The following MCTP1 variants were observed in gnomAD, a reference collection of about 807,000 sequenced individuals.
MCTP1 encodes the protein multiple C2 and transmembrane domain containing 1.
MCTP1 carries 69 observed loss-of-function variants against 120.6 expected under a neutral mutation model. That is an observed-to-expected ratio of 0.57 (90% CI 0.47 to 0.70). The LOEUF (loss-of-function observed/expected upper bound fraction) is 0.70, where lower values mean the gene tolerates loss of function less well. Ranked by LOEUF, MCTP1 falls within the 30% of genes least tolerant of loss-of-function variation. MCTP1 has a pLI of 0.00. For missense variants in MCTP1, 1,203 were observed against 1,248.8 expected (o/e 0.96, Z 0.55); for synonymous variants, 529 against 493.1 (o/e 1.07, Z -0.96).
chr5:95,159,379 T>G (rs1358317171), intron 1 of MCTP1, among the ~76,000 whole-genome samples: 1 of 152,196 alleles, frequency 6.6e-6, no homozygotes, highest in Non-Finnish European at 1.5e-5. Flanking sequence ...TATTCTTACA[T>G]CCAAACATTA....
intron 1 of MCTP1, among the ~76,000 whole-genome samples, chr5:95,255,875 A>C (rs576730765): frequency 6.6e-6 from 1 of 152,258 alleles, no homozygotes; most frequent in South Asian, 2.1e-4. Context: ...TCACTGCCCT[A>C]CCTAAGCAAT....
intron 1 of MCTP1, 142 bp from the exon 2 acceptor site, chr5:95,017,626 A>C: frequency 2.4e-6 from 1 of 417,350 alleles, no homozygotes; most frequent in Non-Finnish European, 4.1e-6. Context: ...CAGTCTCATA[A>C]TCACTCAGTT....
At chr5:94,919,243 T>C (rs1810936164) in intron 7 of MCTP1, among the ~76,000 whole-genome samples, 1 of 152,230 alleles carries the variant, frequency 6.6e-6, no homozygotes, top group South Asian at 2.1e-4. Context: ...GGTGAAGTCA[T>C]AGAATCTAGC....
intron 19 of MCTP1, among the ~76,000 whole-genome samples, chr5:94,719,987 G>T (rs996786215): frequency 6.6e-6 from 1 of 151,992 alleles, no homozygotes; most frequent in East Asian, 1.9e-4. Context: ...TTAGCCGGGC[G>T]TGGTGGTGCA....
intron 1 of MCTP1, among the ~76,000 whole-genome samples, chr5:95,159,526 T>C (rs1308401313): frequency 6.6e-6 from 1 of 152,196 alleles, no homozygotes; most frequent in East Asian, 1.9e-4. Flanking sequence ...TACTATATAC[T>C]ATGTTAAGTT....
At chr5:94,912,256 C>G (rs1808821436) in intron 9 of MCTP1, among the ~76,000 whole-genome samples, 1 of 151,536 alleles carries the variant, frequency 6.6e-6, no homozygotes, top group Non-Finnish European at 1.5e-5. Flanking sequence ...GAAACCACGT[C>G]TCTACTAAAA....
At chr5:95,263,042 G>A (rs563760129) in intron 1 of MCTP1, among the ~76,000 whole-genome samples, 6 of 152,276 alleles carry the variant, frequency 3.9e-5, no homozygotes, top group South Asian at 2.1e-4. Context: ...GCAAGTGTAC[G>A]AAGGCTAAGC....
chr5:94,832,840 A>G (rs889912661), intron 17 of MCTP1, among the ~76,000 whole-genome samples: 2 of 152,220 alleles, frequency 1.3e-5, no homozygotes, highest in African/African-American at 4.8e-5. Flanking sequence ...GCTCACTGCG[A>G]AGAGTGCGCC....
At chr5:95,243,505 G>C (rs1437889799) in intron 1 of MCTP1, among the ~76,000 whole-genome samples, 1 of 152,190 alleles carries the variant, frequency 6.6e-6, no homozygotes, top group Non-Finnish European at 1.5e-5. Context: ...ATAGGTAGGA[G>C]CCAGACCACA....
chr5:95,031,012 A>C (rs1414749182), intron 1 of MCTP1, among the ~76,000 whole-genome samples: 1 of 152,118 alleles, frequency 6.6e-6, no homozygotes, highest in Non-Finnish European at 1.5e-5. Context: ...ATGCTTTAAC[A>C]ATAGACTAAC....
At chr5:95,186,402 AAATAT>A (rs1356353327) in intron 1 of MCTP1, among the ~76,000 whole-genome samples, 1 of 152,104 alleles carries the variant, frequency 6.6e-6, no homozygotes, top group African/African-American at 2.4e-5. Flanking sequence ...CTGAAATTTA[AAATAT>A]AATACTATTT....
chr5:94,923,486 T>C (rs534895179), intron 7 of MCTP1, among the ~76,000 whole-genome samples: 3 of 152,214 alleles, frequency 2.0e-5, no homozygotes, highest in Non-Finnish European at 4.4e-5. Flanking sequence ...GTTGCTGTTT[T>C]CTAAATTATA....
At chr5:94,954,091 T>C (rs2153537892) in intron 2 of MCTP1, among the ~76,000 whole-genome samples, 1 of 100,800 alleles carries the variant, frequency 9.9e-6, no homozygotes, top group African/African-American at 4.1e-5. Flanking sequence ...AATATATATG[T>C]GCATATATAT....
rs553895479 is a variant in MCTP1 at position 94,757,788 on chromosome 5, C to T, written c.2610+21322G>A. Among the ~76,000 whole-genome samples the T allele has an allele frequency of 1.4e-4, 22 of 152,220 alleles. No homozygotes were observed. In the South Asian group the frequency reaches 1.5e-3, roughly 10 times the overall value. On this transcript the variant is annotated intron_variant, in intron 19 of 22. Coordinates refer to ENST00000515393, the MANE Select transcript of MCTP1 (RefSeq NM_024717.7). Reference sequence around the variant, plus strand: ...AGTAAAGATTCTGGAGTTCTCTCCACGGAGGAGATAGTTAGTCTCCAAGGA... The same window carrying T: ...AGTAAAGATTCTGGAGTTCTCTCCATGGAGGAGATAGTTAGTCTCCAAGGA...
At chr5:95,003,755 C>A (rs898202252) in intron 2 of MCTP1, among the ~76,000 whole-genome samples, 22 of 152,156 alleles carry the variant, frequency 1.4e-4, no homozygotes, top group African/African-American at 5.1e-4. Flanking sequence ...AGACCACGAG[C>A]TGATTAAACC....
At chr5:95,051,032 G>A (rs1745769965) in intron 1 of MCTP1, among the ~76,000 whole-genome samples, 1 of 152,084 alleles carries the variant, frequency 6.6e-6, no homozygotes, top group South Asian at 2.1e-4. Context: ...CCTTCAGAAG[G>A]AGCATAGCCC....
chr5:94,940,259 T>C, intron 4 of MCTP1, 64 bp from the exon 5 acceptor site: 1 of 869,466 alleles, frequency 1.2e-6, no homozygotes, highest in Non-Finnish European at 1.7e-6. Flanking sequence ...ATATTTTTAT[T>C]AATGCTTTAT....
intron 17 of MCTP1, among the ~76,000 whole-genome samples, chr5:94,848,261 A>G (rs980280524): frequency 6.6e-6 from 1 of 152,206 alleles, no homozygotes; most frequent in Non-Finnish European, 1.5e-5. Flanking sequence ...GTGTAACATT[A>G]AGAAATAAAG....
At chr5:95,002,898 C>A (rs1834000756) in intron 2 of MCTP1, among the ~76,000 whole-genome samples, 1 of 152,072 alleles carries the variant, frequency 6.6e-6, no homozygotes, top group Non-Finnish European at 1.5e-5. Context: ...TGTCCCCACC[C>A]AAATCTCATC....
Sources: gnomAD v4.1 joint callset for allele counts (sites outside exome capture counted in the v4.1 genomes callset) on GRCh38, gnomAD v4.1.1 for gene constraint, MANE v1.5 for transcripts, NCBI Gene and HGNC (gene_info 2026-07-23, HGNC 2026-07-21) for gene names.